Variants in DNAH6 observed in about 807,000 individuals in gnomAD.
The protein encoded by DNAH6 is axonemal beta dynein heavy chain 6.
A neutral mutation model predicts 491.4 loss-of-function variants in DNAH6; 340 were observed. That is an observed-to-expected ratio of 0.69 (90% CI 0.63 to 0.76). DNAH6 has a LOEUF of 0.76. DNAH6 is among the 30% of genes least tolerant of loss of function. DNAH6 has a pLI of 0.00. For missense variants in DNAH6, 4,443 were observed against 4,972.2 expected (o/e 0.89, Z 3.20); for synonymous variants, 1,603 against 1,686.1 (o/e 0.95, Z 1.21).
At chr2:84,548,177 C>A (rs1308329101) in intron 7 of DNAH6, 111 bp from the exon 8 acceptor site, 2 of 1,229,452 alleles carry the variant, frequency 1.6e-6, no homozygotes, top group Non-Finnish European at 2.2e-6. Context: ...GCTTCGTGTA[C>A]CAAAATATTT....
At chr2:84,660,698 T>G (rs1426992155) in intron 37 of DNAH6, among the ~76,000 whole-genome samples, 2 of 152,156 alleles carry the variant, frequency 1.3e-5, no homozygotes, top group East Asian at 3.8e-4. Flanking sequence ...CTGTGCCTGC[T>G]TCCTGATATG....
intron 16 of DNAH6, among the ~76,000 whole-genome samples, chr2:84,589,711 C>CAAAAAA (rs1301777970): frequency 5.1e-5 from 3 of 58,318 alleles, no homozygotes; most frequent in African/African-American, 5.9e-5. Context: ...GACCCTGTCT[C>CAAAAAA]AAAAAAAAAA....
At chr2:84,707,953 T>C (rs756813027) in intron 54 of DNAH6, among the ~76,000 whole-genome samples, 2 of 152,162 alleles carry the variant, frequency 1.3e-5, no homozygotes, top group Non-Finnish European at 2.9e-5. Flanking sequence ...TATTCATCAT[T>C]TACACAGCTC....
At chr2:84,789,214 AAATT>A (rs777436920) in intron 68 of DNAH6, among the ~76,000 whole-genome samples, 1 of 152,240 alleles carries the variant, frequency 6.6e-6, no homozygotes, top group East Asian at 1.9e-4. Flanking sequence ...TGCAAAGAAA[AAATT>A]AATCTTGTTC....
At chr2:84,664,066 C>G (rs1245514007) in intron 37 of DNAH6, among the ~76,000 whole-genome samples, 1 of 152,114 alleles carries the variant, frequency 6.6e-6, no homozygotes, top group Non-Finnish European at 1.5e-5. Context: ...TTTGTCACCA[C>G]CAGGCCAGCC....
intron 65 of DNAH6, among the ~76,000 whole-genome samples, chr2:84,784,192 T>A (rs1219999416): frequency 2.0e-5 from 3 of 152,208 alleles, no homozygotes; most frequent in Non-Finnish European, 2.9e-5. Flanking sequence ...CCTCTGTCCA[T>A]ATCTCAGAAA....
chr2:84,521,665 G>T (rs1287821834), intron 2 of DNAH6, among the ~76,000 whole-genome samples: 2 of 152,120 alleles, frequency 1.3e-5, no homozygotes, highest in Non-Finnish European at 2.9e-5. Context: ...TGTAAGGAAA[G>T]GGTCCATTTT....
At chr2:84,508,816 C>T in the DNAH6 span, among the ~76,000 whole-genome samples, 2 of 152,156 alleles carry the variant, frequency 1.3e-5, no homozygotes, top group East Asian at 1.9e-4. Flanking sequence ...GCCTTCATTT[C>T]GTTATGTACC....
chr2:84,741,346 G>T (rs781080221), intron 62 of DNAH6, among the ~76,000 whole-genome samples: 11 of 152,134 alleles, frequency 7.2e-5, no homozygotes, highest in Admixed American at 2.6e-4. Context: ...GGGGAGTGTG[G>T]TTCATTCACA....
At chr2:84,691,816 G>A (rs867389947) in intron 45 of DNAH6, among the ~76,000 whole-genome samples, 4 of 151,830 alleles carry the variant, frequency 2.6e-5, no homozygotes, top group African/African-American at 4.8e-5. Context: ...TCTAAAAACC[G>A]TTCTTATCTC....
chr2:84,548,468 C>T, intron 8 of DNAH6, 51 bp downstream of exon 8: 1 of 1,604,950 alleles, frequency 6.2e-7, no homozygotes, highest in Non-Finnish European at 8.5e-7. Flanking sequence ...TCTTAAGCTG[C>T]ATTAAAAATT....
intron 11 of DNAH6, among the ~76,000 whole-genome samples, chr2:84,559,493 G>A (rs556312796): frequency 6.6e-4 from 101 of 152,248 alleles, no homozygotes; most frequent in African/African-American, 2.4e-3. Context: ...GCTGTAGTGA[G>A]CCAAGATCAT....
intron 43 of DNAH6, among the ~76,000 whole-genome samples, chr2:84,686,238 TA>T (rs1034040619): frequency 1.3e-5 from 2 of 151,832 alleles, no homozygotes; most frequent in African/African-American, 4.8e-5. Context: ...ATTTCTTAAA[TA>T]AGTATCCAAT....
At chr2:84,500,363 G>A in the DNAH6 span, among the ~76,000 whole-genome samples, 1 of 152,088 alleles carries the variant, frequency 6.6e-6, no homozygotes, top group Admixed American at 6.6e-5. Flanking sequence ...TTGTTTCTGG[G>A]TTCTCTATTC....
chr2:84,765,687 G>A (rs1675011536), intron 64 of DNAH6, among the ~76,000 whole-genome samples: 1 of 151,942 alleles, frequency 6.6e-6, no homozygotes, highest in African/African-American at 2.4e-5. Flanking sequence ...ATGAAGTATA[G>A]TAAACCAAAA....
At chr2:84,513,960 A>G (rs1046417489), upstream of DNAH6, among the ~76,000 whole-genome samples, 13 of 152,090 alleles carry the variant, frequency 8.5e-5, no homozygotes, top group Non-Finnish European at 1.3e-4. Flanking sequence ...CCAACCTATT[A>G]CTGAGGGGAT....
Position 84,621,347 on chromosome 2 carries a change from C to T in DNAH6, c.3949C>T (p.Pro1317Ser). The T allele has an allele frequency of 6.4e-7, 1 of 1,551,484 alleles. No individual in the cohort carries two copies. Among genetic ancestry groups the T allele is most frequent in the Admixed American group, 2.0e-5 (1 of 50,992 alleles). The change falls in exon 25 of 77, where the codon CCT (proline) becomes TCT (serine). Residue 1317 changes from proline (P) to serine (S), a missense_variant. Pro to Ser is a moderately conservative substitution (Grantham distance 74, BLOSUM62 -1). Coordinates refer to ENST00000389394, the MANE Select transcript of DNAH6 (RefSeq NM_001370.2). ...GACAGACTGGGTGGTTGCTGGCCAC[C>T]CTTCTCAAGTAACTCACACTCACAT... ...LRTDWVVAGH[P>S]SQVILTVSQI...
At chr2:84,606,343 T>A (rs1573196312) in intron 20 of DNAH6, among the ~76,000 whole-genome samples, 1 of 152,132 alleles carries the variant, frequency 6.6e-6, no homozygotes, top group African/African-American at 2.4e-5. Context: ...TTTAGGCCAA[T>A]TGATGTCATG....
chr2:84,694,350 G>A lies in DNAH6; in HGVS notation c.7394G>A (p.Gly2465Asp), dbSNP rs1695173388. 1 of 1,552,400 alleles carries A rather than the reference G, an allele frequency of 6.4e-7. No homozygotes were observed. Among genetic ancestry groups the A allele is most frequent in the African/African-American group, 1.4e-5 (1 of 73,182 alleles). The change falls in exon 46 of 77, where the codon GGT becomes GAT. Residue 2465 changes from glycine to aspartate, a missense_variant. By Grantham distance (94) the Gly-to-Asp change is moderately conservative (BLOSUM62 -1). Coordinates refer to ENST00000389394, the MANE Select transcript of DNAH6 (RefSeq NM_001370.2). ...SLTRLAAHIC[G>D]YKCLQIELSR... ...ACGAGACTTGCAGCTCATATATGCG[G>A]TTACAAATGTTTGCAGATTGAACTC... is the stretch of plus-strand genomic sequence containing the variant.
Sources: gnomAD v4.1 joint callset for allele counts (sites outside exome capture counted in the v4.1 genomes callset) on GRCh38, gnomAD v4.1.1 for gene constraint, MANE v1.5 for transcripts, NCBI Gene and HGNC (gene_info 2026-07-23, HGNC 2026-07-21) for gene names.